The following MYO18B variants were observed in gnomAD, a reference collection of about 807,000 sequenced individuals.
The protein encoded by MYO18B is unconventional myosin-XVIIIb.
Under a neutral mutation model 273.0 loss-of-function variants are expected in MYO18B, and 204 were observed. The ratio of observed to expected loss-of-function variants is 0.75; its 90% CI spans 0.67 to 0.84. MYO18B has a LOEUF of 0.84. Among genes scored for constraint, MYO18B ranks in the 40% least tolerant of loss-of-function variants. The pLI, the probability that MYO18B is intolerant of heterozygous loss-of-function variation, is 0.00. For synonymous variants in MYO18B, 1,330 were observed against 1,305.7 expected (o/e 1.02, Z -0.40); for missense variants, 3,212 against 3,287.6 (o/e 0.98, Z 0.56).
At position 25,958,303 on chromosome 22, in the gene MYO18B, G is replaced by A. The variant is rs78463470; in HGVS notation, c.6156+2939G>A. Among the ~76,000 whole-genome samples the A allele has an allele frequency of 2.2e-3, 337 of 152,248 alleles. 18 individuals carry two copies. In the East Asian group the frequency reaches 0.059, roughly 27 times the overall value. The stretch of plus-strand genomic sequence containing the variant: ...GGCAACCCTCCAACCCACTACAGAA[G>A]AGGAAGGCACATTTCTGCTTGGTTG... On this transcript the variant is annotated intron_variant, in intron 39 of 43. Coordinates refer to ENST00000335473, the MANE Select transcript of MYO18B (RefSeq NM_032608.7).
At chr22:26,036,310 G>A in the MYO18B span, among the ~76,000 whole-genome samples, 90 of 152,278 alleles carry the variant, frequency 5.9e-4, no homozygotes, top group East Asian at 0.015. Flanking sequence ...CTGGTGACAA[G>A]GTGACACAGT....
intron 39 of MYO18B, among the ~76,000 whole-genome samples, chr22:25,962,957 T>G (rs1209617816): frequency 6.6e-6 from 1 of 152,016 alleles, no homozygotes; most frequent in Non-Finnish European, 1.5e-5. Context: ...ACCCCTTTCC[T>G]TTCTTCTCTT....
intron 34 of MYO18B, among the ~76,000 whole-genome samples, chr22:25,927,137 A>G (rs2092432937): frequency 6.6e-6 from 1 of 152,228 alleles, no homozygotes; most frequent in Non-Finnish European, 1.5e-5. Flanking sequence ...CTTGAGCAAT[A>G]TGAAATGTGG....
At chr22:26,012,327 A>G (rs923256652) in intron 42 of MYO18B, among the ~76,000 whole-genome samples, 5 of 152,346 alleles carry the variant, frequency 3.3e-5, no homozygotes, top group African/African-American at 1.2e-4. Flanking sequence ...TCTTATTTCA[A>G]TAGTACATTT....
chr22:25,848,655 G>A (rs2090331002), intron 20 of MYO18B, among the ~76,000 whole-genome samples: 1 of 152,182 alleles, frequency 6.6e-6, no homozygotes, highest in Non-Finnish European at 1.5e-5. Context: ...GTAAGAAAAT[G>A]TGCACCTGAT....
chr22:26,037,425 A>G, the MYO18B span, among the ~76,000 whole-genome samples: 3 of 152,218 alleles, frequency 2.0e-5, no homozygotes, highest in African/African-American at 7.2e-5. Flanking sequence ...TTAGCAGTGC[A>G]GAAGCTGGGA....
At chr22:25,862,180 T>C (rs973865346) in intron 21 of MYO18B, among the ~76,000 whole-genome samples, 1 of 152,190 alleles carries the variant, frequency 6.6e-6, no homozygotes, top group African/African-American at 2.4e-5. Flanking sequence ...TACTGTGCCA[T>C]TTTATATAAA....
intron 39 of MYO18B, among the ~76,000 whole-genome samples, chr22:25,960,853 G>T (rs1373973483): frequency 6.6e-6 from 1 of 152,104 alleles, no homozygotes; most frequent in Admixed American, 6.6e-5. Context: ...TCTCTGCTAA[G>T]AAATCTTTTA....
intron 39 of MYO18B, among the ~76,000 whole-genome samples, chr22:25,978,643 G>A (rs1311570743): frequency 6.6e-6 from 1 of 151,072 alleles, no homozygotes; most frequent in African/African-American, 2.4e-5. Context: ...TTGATGAGAG[G>A]AACACCAGTT....
intron 7 of MYO18B, among the ~76,000 whole-genome samples, chr22:25,775,108 C>T (rs540187086): frequency 1.3e-5 from 2 of 152,360 alleles, no homozygotes; most frequent in South Asian, 4.1e-4. Context: ...ACTGCCCGTT[C>T]ATTGAACTTT....
At chr22:26,057,870 T>C in the MYO18B span, among the ~76,000 whole-genome samples, 1 of 152,166 alleles carries the variant, frequency 6.6e-6, no homozygotes, top group African/African-American at 2.4e-5. Context: ...CAGCAAGTAA[T>C]AGTTGAACAC....
At chr22:25,852,516 A>G (rs750829476) in intron 21 of MYO18B, among the ~76,000 whole-genome samples, 40 of 152,184 alleles carry the variant, frequency 2.6e-4, no homozygotes, top group Non-Finnish European at 4.9e-4. Context: ...TCCAGTGCCA[A>G]ACTTTCAATA....
At chr22:25,871,341 T>C (rs904272961) in intron 22 of MYO18B, among the ~76,000 whole-genome samples, 14 of 152,310 alleles carry the variant, frequency 9.2e-5, no homozygotes, top group African/African-American at 3.1e-4. Flanking sequence ...AGGGGGTGGC[T>C]GTCACTACTT....
intron 42 of MYO18B, among the ~76,000 whole-genome samples, chr22:26,022,880 T>A (rs1433152523): frequency 3.9e-5 from 6 of 152,224 alleles, no homozygotes; most frequent in South Asian, 2.1e-4. Flanking sequence ...TGTGCCAGCA[T>A]AGCTGGGAAC....
intron 39 of MYO18B, among the ~76,000 whole-genome samples, chr22:25,987,448 A>AG (rs774456636): frequency 4.4e-4 from 67 of 152,172 alleles, no homozygotes; most frequent in Non-Finnish European, 8.2e-4. Context: ...ATATTATTGT[A>AG]CTGATCTCTG....
chr22:25,944,771 C>G (rs1018442196), intron 34 of MYO18B, among the ~76,000 whole-genome samples: 1 of 147,116 alleles, frequency 6.8e-6, no homozygotes, highest in Non-Finnish European at 1.5e-5. Context: ...CGCTGGAACC[C>G]GGGAGGTGGA....
chr22:25,766,554 A>G (rs1314050015), intron 3 of MYO18B, among the ~76,000 whole-genome samples: 1 of 152,150 alleles, frequency 6.6e-6, no homozygotes, highest in East Asian at 1.9e-4. Flanking sequence ...TCTTCAGGCA[A>G]AGATTTGTAG....
At chr22:25,792,497 C>CTTTTTTTTTTTTTTTTTT (rs58679561) in intron 11 of MYO18B, among the ~76,000 whole-genome samples, 4 of 107,952 alleles carry the variant, frequency 3.7e-5, no homozygotes, top group Non-Finnish European at 5.1e-5. Context: ...TTTTTCTTTT[C>CTTTTTTTTTTTTTTTTTT]TTTTTTTTTT....
rs2091988883 is a variant in MYO18B at position 25,903,946 on chromosome 22, C to G, written c.5148+115C>G. The G allele has an allele frequency of 8.0e-6, 9 of 1,120,962 alleles. No homozygotes were observed. In the South Asian group the frequency reaches 1.4e-4, roughly 18 times the overall value. The allele number at this position is 1,120,962 out of a possible 1,614,324, so 69.4% of individuals were successfully genotyped here. On this transcript the variant is annotated intron_variant, in intron 31 of 43. Transcript: ENST00000335473. ...GCTGCTCCTCATCCTTCAATGGCTCCCTATTATCCCAGGGAACCTTTAAGC... is the reference window on the plus strand; with the variant it reads ...GCTGCTCCTCATCCTTCAATGGCTCGCTATTATCCCAGGGAACCTTTAAGC...
Sources: gnomAD v4.1 joint callset for allele counts (sites outside exome capture counted in the v4.1 genomes callset) on GRCh38, gnomAD v4.1.1 for gene constraint, MANE v1.5 for transcripts, NCBI Gene and HGNC (gene_info 2026-07-23, HGNC 2026-07-21) for gene names.